The following MMP14 variants were observed in gnomAD, a reference collection of about 807,000 sequenced individuals.
MMP14 encodes the protein matrix metalloproteinase-14.
A neutral mutation model predicts 64.8 loss-of-function variants in MMP14; 13 were observed. The observed-to-expected ratio is 0.20, with a 90% CI of 0.13 to 0.32. The LOEUF (loss-of-function observed/expected upper bound fraction) is 0.32. Among genes scored for constraint, MMP14 ranks in the 10% least tolerant of loss-of-function variants. The pLI is 1.00. For synonymous variants in MMP14, 322 were observed against 315.9 expected, an observed-to-expected ratio of 1.02 and a Z score of -0.20; for missense variants, 594 against 783.8, an observed-to-expected ratio of 0.76 and a Z score of 2.89.
Position 22,842,062 on chromosome 14 carries a change from C to G in MMP14, c.380+27C>G. ...TGAGTCCAACAGGCAAGCAACCTTT[C>G]TCACATCTGGTTATTATTTCCTACC... On this transcript the variant is annotated intron_variant, in intron 3 of 9. Coordinates refer to ENST00000311852, the MANE Select transcript of MMP14 (RefSeq NM_004995.4). The surrounding 1 kb of genome is among the most constrained non-coding windows in gnomAD (Gnocchi z 5.3). The G allele has an allele frequency of 1.2e-6, 2 of 1,613,962 alleles. No homozygotes were observed. The highest frequency in any genetic ancestry group is 1.7e-6 in the Non-Finnish European group (2 of 1,179,854).
At chr14:22,841,791 C>T in intron 2 of MMP14, 122 bp from the exon 3 acceptor site, 2 of 1,557,186 alleles carry the variant, frequency 1.3e-6, no homozygotes, top group Middle Eastern at 1.8e-4. Flanking sequence ...TTCACCCTGA[C>T]CTCATAACCT....
chr14:22,841,367 C>T, intron 1 of MMP14, 124 bp from the exon 2 acceptor site: 1 of 1,279,366 alleles, frequency 7.8e-7, no homozygotes, highest in Non-Finnish European at 1.1e-6. Flanking sequence ...GCTGCCGGAG[C>T]CAAGCTGGGA....
chr14:22,844,238 TG>T, intron 6 of MMP14, 132 bp from the exon 7 acceptor site: 1 of 1,298,326 alleles, frequency 7.7e-7, no homozygotes, highest in Non-Finnish European at 1.1e-6. Context: ...GTAGGGCGGC[TG>T]GGTGGAAGTG....
chr14:22,844,992 C>T (rs759566884), intron 8 of MMP14, among the ~76,000 whole-genome samples: 14 of 152,126 alleles, frequency 9.2e-5, no homozygotes, highest in African/African-American at 2.4e-4. Flanking sequence ...GGTCATTTGG[C>T]GCCTCCTGCC....
At position 22,843,749 on chromosome 14, in the gene MMP14, C is replaced by A; in HGVS notation, c.890C>A (p.Pro297His). 1 of 1,610,902 alleles carries A rather than the reference C, an allele frequency of 6.2e-7. No individual in the cohort carries two copies. The highest frequency in any genetic ancestry group is 8.5e-7 in the Non-Finnish European group (1 of 1,179,252). Residue 297 changes from proline (P) to histidine (H), a missense_variant, in exon 6 of 10, where the codon CCC becomes CAC. Transcript: ENST00000311852. This position sits in a 1 kb window ranked among gnomAD's most constrained non-coding sequence, Gnocchi z 4.8. ...SGFPTKMPPQ[P>H]RTTSRPSVPD... ...TTCCCCACCAAGATGCCCCCTCAAC[C>A]CAGGACTACCTCCCGGCCTTCTGTT...
At chr14:22,840,404 G>A (rs565475121) in intron 1 of MMP14, among the ~76,000 whole-genome samples, 2 of 152,186 alleles carry the variant, frequency 1.3e-5, no homozygotes, top group East Asian at 3.9e-4. Flanking sequence ...TTAATTTAAG[G>A]CAATATGCCA....
At chr14:22,837,537 TCGCAGCGCCGGCGCGCTGGC>T (rs946101237) in intron 1 of MMP14, 33 of 363,022 alleles carry the variant, frequency 9.1e-5, no homozygotes, top group African/African-American at 4.3e-4. Flanking sequence ...GCGTCGAGGG[TCGCAGCGCCGGCGCGCTGGC>T]CGCGTTTCCG....
chr14:22,843,511 C>T lies in MMP14; in HGVS notation c.850+93C>T. The T allele has an allele frequency of 2.0e-6, 3 of 1,482,224 alleles. No individual in the cohort carries two copies. Among genetic ancestry groups the T allele is most frequent in the African/African-American group, 1.4e-5 (1 of 72,190 alleles). The allele number at this position is 1,482,224 out of a possible 1,614,324, so 91.8% of individuals were successfully genotyped here. A position where few individuals can be genotyped will look rare whatever the true frequency, so the allele number is the denominator to read the frequency against. ...CCTCTTTTATGCCTTGCAGTCTCCG[C>T]ACCGCCCCCTGCCAACCTGCCCCTG... On this transcript the variant is annotated intron_variant, in intron 5 of 9. Transcript: ENST00000311852. The surrounding 1 kb of genome is among the most constrained non-coding windows in gnomAD (Gnocchi z 4.8).
In MMP14 at chr14:22,844,497, G is replaced by C; in HGVS notation, c.1138G>C (p.Val380Leu). ...CTACGAGAGGAAGGATGGCAAATTC[G>C]TCTTCTTCAAAGGTAACCAGGCACT... is the stretch of plus-strand genomic sequence containing the variant. ...TAYERKDGKF[V>L]FFKGDKHWVF... Residue 380 changes from valine (V) to leucine (L), a missense_variant, in exon 7 of 10, where the codon GTC (valine) becomes CTC (leucine). Val to Leu is a conservative substitution (Grantham distance 32). Coordinates refer to ENST00000311852, the MANE Select transcript of MMP14 (RefSeq NM_004995.4). The C allele has an allele frequency of 6.2e-7, 1 of 1,614,144 alleles. No homozygotes were observed. The highest frequency in any genetic ancestry group is 8.5e-7 in the Non-Finnish European group (1 of 1,180,012).
intron 1 of MMP14, 92 bp downstream of exon 1, chr14:22,837,017 G>A: frequency 1.0e-6 from 1 of 970,672 alleles, no homozygotes; most frequent in Non-Finnish European, 1.6e-6. Flanking sequence ...CGGAGAGGAG[G>A]GCTTTTGGGA....
intron 1 of MMP14, chr14:22,837,424 G>A: frequency 2.2e-6 from 1 of 455,516 alleles, no homozygotes; most frequent in South Asian, 1.6e-5. Flanking sequence ...TTCAGCGGAC[G>A]AGTCTGCGGC....
intron 8 of MMP14, 34 bp from the exon 9 acceptor site, chr14:22,845,217 T>C: frequency 6.6e-7 from 1 of 1,521,026 alleles, no homozygotes; most frequent in South Asian, 1.1e-5. Flanking sequence ...ACATGCCCAG[T>C]GTCCGCCACT....
Position 22,842,363 on chromosome 14 carries a change from CT to C in MMP14, c.381-44del. ...TGCAGGGAAGGAGAATGTTGCCCCTCTTTATCCTAACACACCCCATCCTCTC... is the reference window on the plus strand; with the variant it reads ...TGCAGGGAAGGAGAATGTTGCCCCTCTTATCCTAACACACCCCATCCTCTC... On this transcript the variant is annotated intron_variant, in intron 3 of 9. Transcript: ENST00000311852. The surrounding 1 kb of genome is among the most constrained non-coding windows in gnomAD (Gnocchi z 5.3). The C allele has an allele frequency of 6.4e-7, 1 of 1,570,750 alleles. No homozygotes were observed.
chr14:22,838,963 GTGGA>G (rs1388964835), intron 1 of MMP14, among the ~76,000 whole-genome samples: 1 of 152,216 alleles, frequency 6.6e-6, no homozygotes, highest in African/African-American at 2.4e-5. Context: ...AGGGTATGGG[GTGGA>G]GGTTGTAGGT....
chr14:22,837,014 G>A (rs1030394724), intron 1 of MMP14, 89 bp downstream of exon 1: 28 of 1,014,366 alleles, frequency 2.8e-5, no homozygotes, highest in Non-Finnish European at 3.6e-5. Flanking sequence ...ATTCGGAGAG[G>A]AGGGCTTTTG....
intron 2 of MMP14, 103 bp downstream of exon 2, chr14:22,841,742 C>T (rs933079880): frequency 9.4e-5 from 146 of 1,554,522 alleles, no homozygotes; most frequent in Non-Finnish European, 1.3e-4. Context: ...CCCACTCCCC[C>T]ATATCTCATC....
intron 1 of MMP14, among the ~76,000 whole-genome samples, chr14:22,840,111 T>G (rs2039762918): frequency 6.6e-6 from 1 of 151,824 alleles, no homozygotes; most frequent in Non-Finnish European, 1.5e-5. Context: ...GGATTACAGG[T>G]GCCCACCACC....
rs1241729396 is a variant in MMP14, at chr14:22,846,599, T to C, written c.*560T>C. On this transcript the variant is annotated 3_prime_UTR_variant, in exon 10 of 10. Transcript: ENST00000311852. ...GGGGGTGGGGACTGCCAAGCCACCC[T>C]AAGACCTTGGGAGGAAAACTCAGAG... The C allele has an allele frequency of 6.5e-6, 1 of 153,068 alleles. No homozygotes were observed. The highest frequency in any genetic ancestry group is 1.5e-5 in the Non-Finnish European group (1 of 68,332). The allele number at this position is 153,068 out of a possible 1,614,324, so 9.5% of individuals were successfully genotyped here. A position where few individuals can be genotyped will look rare whatever the true frequency, so the allele number is the denominator to read the frequency against.
chr14:22,845,670 C>T (rs1469973860), intron 9 of MMP14, 38 bp from the exon 10 acceptor site: 1 of 1,601,752 alleles, frequency 6.2e-7, no homozygotes, highest in Non-Finnish European at 8.5e-7. Context: ...CTCTTTGGGT[C>T]TTCCCTTCCT....
Sources: allele counts gnomAD v4.1 joint callset (sites outside exome capture counted in the v4.1 genomes callset), GRCh38; gene constraint gnomAD v4.1.1; non-coding constraint Gnocchi (gnomAD v3.1); transcripts MANE v1.5; gene names NCBI Gene and HGNC (gene_info 2026-07-23, HGNC 2026-07-21).